Variants in DIAPH2 observed in about 807,000 individuals in gnomAD.
The protein encoded by DIAPH2 is diaphanous related formin 2.
DIAPH2 carries 35 observed loss-of-function variants against 92.7 expected under a neutral mutation model. The observed-to-expected ratio is 0.38, with a 90% CI of 0.29 to 0.50. The LOEUF is 0.50. DIAPH2 is among the 20% of genes least tolerant of loss of function. The pLI is 0.94. For synonymous variants in DIAPH2, 301 were observed against 280.4 expected (o/e 1.07, Z -0.73); for missense variants, 701 against 819.5 (o/e 0.86, Z 1.77).
intron 13 of DIAPH2, among the ~76,000 whole-genome samples, chrX:96,945,296 AT>A (rs916374490): frequency 5.4e-5 from 6 of 111,753 alleles, no homozygotes; most frequent in African/African-American, 1.9e-4. Flanking sequence ...AATGAAATAT[AT>A]TTTTAGATGC....
At chrX:97,542,789 C>T (rs1343621051) in intron 26 of DIAPH2, among the ~76,000 whole-genome samples, 1 of 110,817 alleles carries the variant, frequency 9.0e-6, no homozygotes, top group African/African-American at 3.3e-5. Context: ...TTGTATTGAT[C>T]TTAAACATAT....
chrX:97,273,528 C>G (rs1448639045), intron 23 of DIAPH2, among the ~76,000 whole-genome samples: 1 of 111,822 alleles, frequency 8.9e-6, no homozygotes, highest in Non-Finnish European at 1.9e-5. Flanking sequence ...AGTGGTAGAG[C>G]TTGGTTTTAA....
chrX:97,178,319 T>C (rs999781901), intron 22 of DIAPH2, among the ~76,000 whole-genome samples: 2 of 110,535 alleles, frequency 1.8e-5, no homozygotes, highest in Non-Finnish European at 3.8e-5. Context: ...TTTTAAGATA[T>C]GGAAAAAAAG....
At chrX:97,281,441 T>G (rs2147600443) in intron 23 of DIAPH2, among the ~76,000 whole-genome samples, 1 of 110,998 alleles carries the variant, frequency 9.0e-6, no homozygotes, top group African/African-American at 3.3e-5. Context: ...GTAGAATATT[T>G]TAGAACACAT....
chrX:97,255,957 G>A (rs930483874), intron 23 of DIAPH2, among the ~76,000 whole-genome samples: 1 of 111,773 alleles, frequency 8.9e-6, no homozygotes, highest in Non-Finnish European at 1.9e-5. Flanking sequence ...GATGCTAATG[G>A]TGAGAAGAGA....
At chrX:97,101,314 C>G (rs1457755290) in intron 20 of DIAPH2, among the ~76,000 whole-genome samples, 3 of 110,314 alleles carry the variant, frequency 2.7e-5, no homozygotes, top group African/African-American at 6.6e-5. Flanking sequence ...CAAGTCCTTT[C>G]AAGAGGCATA....
intron 26 of DIAPH2, among the ~76,000 whole-genome samples, chrX:97,540,915 G>A (rs2071135044): frequency 8.9e-6 from 1 of 111,876 alleles, no homozygotes; most frequent in Non-Finnish European, 1.9e-5. Flanking sequence ...CAATAATTCT[G>A]TGACTTTTAA....
intron 19 of DIAPH2, among the ~76,000 whole-genome samples, chrX:97,079,429 T>A (rs1398714362): frequency 3.6e-5 from 4 of 111,300 alleles, no homozygotes; most frequent in Non-Finnish European, 7.5e-5. Flanking sequence ...AAGGAATTTT[T>A]AAAAAAATTA....
intron 1 of DIAPH2, among the ~76,000 whole-genome samples, chrX:96,688,939 C>G (rs758750843): frequency 7.5e-4 from 81 of 108,581 alleles, no homozygotes; most frequent in Non-Finnish European, 1.4e-3. Context: ...CGACAGAGAA[C>G]CCATCTCTTT....
intron 25 of DIAPH2, among the ~76,000 whole-genome samples, chrX:97,418,081 A>G (rs1178913170): frequency 9.0e-6 from 1 of 111,371 alleles, no homozygotes; most frequent in Non-Finnish European, 1.9e-5. Context: ...AAGGCATGCA[A>G]TTTAAAATGT....
intron 23 of DIAPH2, 91 bp downstream of exon 23, chrX:97,247,930 T>C: frequency 9.8e-6 from 8 of 816,025 alleles, no homozygotes; most frequent in Non-Finnish European, 1.4e-5. Context: ...GATTTACTAG[T>C]CTTTTCACAC....
intron 4 of DIAPH2, among the ~76,000 whole-genome samples, chrX:96,783,800 T>C (rs935379955): frequency 2.7e-5 from 3 of 112,437 alleles, no homozygotes; most frequent in African/African-American, 9.7e-5. Context: ...TAGAAAAATC[T>C]GCTGGTATCT....
chrX:97,026,678 A>G (rs1215120510), intron 17 of DIAPH2, among the ~76,000 whole-genome samples: 6 of 112,600 alleles, frequency 5.3e-5, no homozygotes, highest in Middle Eastern at 4.6e-3. Context: ...CATCCAGACT[A>G]TCAGACTTCC....
At chrX:97,264,915 G>A (rs1209806992) in intron 23 of DIAPH2, among the ~76,000 whole-genome samples, 1 of 111,119 alleles carries the variant, frequency 9.0e-6, no homozygotes, top group Non-Finnish European at 1.9e-5. Flanking sequence ...CCCGGGAGGC[G>A]GAGGTTGCAG....
rs760395213 is a variant in DIAPH2, at chrX:96,965,202, TAA to T, written c.2048_2049del (p.Lys683SerfsTer46). Reference sequence around the variant, plus strand: ...TTGGCATTGAATTTTGCTACTCAGATAAAAGGTACATTTTTAAAAATAAAATA... The same window carrying T: ...TTGGCATTGAATTTTGCTACTCAGATAAGGTACATTTTTAAAAATAAAATA... On this transcript the variant is annotated frameshift_variant, in exon 17 of 27. Coordinates refer to ENST00000324765, the MANE Select transcript of DIAPH2 (RefSeq NM_006729.5). LOFTEE classifies it high-confidence loss of function. 8.6e-7 allele frequency: 1 copy of T among 1,160,206 alleles called. No homozygotes were observed. The highest frequency in any genetic ancestry group is 1.2e-6 in the Non-Finnish European group (1 of 866,591).
At chrX:96,730,644 C>G (rs2064048303) in intron 1 of DIAPH2, among the ~76,000 whole-genome samples, 1 of 111,798 alleles carries the variant, frequency 8.9e-6, no homozygotes, top group African/African-American at 3.3e-5. Flanking sequence ...ATTACCATAT[C>G]AGAACTCTCA....
chrX:97,188,098 A>G (rs2067622724), intron 22 of DIAPH2, among the ~76,000 whole-genome samples: 1 of 112,106 alleles, frequency 8.9e-6, no homozygotes, highest in Admixed American at 9.5e-5. Context: ...GGAGTAGAAG[A>G]CGAAGATTGC....
chrX:96,731,147 T>G (rs1222502462), intron 1 of DIAPH2, among the ~76,000 whole-genome samples: 1 of 111,360 alleles, frequency 9.0e-6, no homozygotes, highest in East Asian at 2.8e-4. Flanking sequence ...TCACTTCTTT[T>G]GTGATTCTTC....
At chrX:97,020,310 A>G (rs1249204483) in intron 17 of DIAPH2, among the ~76,000 whole-genome samples, 2 of 111,820 alleles carry the variant, frequency 1.8e-5, no homozygotes, top group East Asian at 2.8e-4. Context: ...ATGTGTGTGC[A>G]TGTGTGTGTG....
Sources: allele counts gnomAD v4.1 joint callset (sites outside exome capture counted in the v4.1 genomes callset), GRCh38; gene constraint gnomAD v4.1.1; transcripts MANE v1.5; gene names NCBI Gene and HGNC (gene_info 2026-07-23, HGNC 2026-07-21).